CUX2: variants seen among roughly 807,000 people sequenced by gnomAD.
The protein encoded by CUX2 is homeobox protein cut-like 2.
A neutral mutation model predicts 144.8 loss-of-function variants in CUX2; 40 were observed. The ratio of observed to expected loss-of-function variants is 0.28; its 90% CI spans 0.21 to 0.36. CUX2 has a LOEUF of 0.36. Ranked by LOEUF, CUX2 falls within the 10% of genes least tolerant of loss-of-function variation. The pLI is 1.00. For missense variants in CUX2, 1,615 were observed against 1,994.0 expected (o/e 0.81, Z 3.62); for synonymous variants, 827 against 875.6 (o/e 0.94, Z 0.98).
chr12:111,220,743 C>CAAAAAAAAAAAAA (rs549438290), intron 3 of CUX2, among the ~76,000 whole-genome samples: 1 of 39,132 alleles, frequency 2.6e-5, no homozygotes. Flanking sequence ...CTCATCTCTG[C>CAAAAAAAAAAAAA]AAAAAAAAAA....
intron 1 of CUX2, among the ~76,000 whole-genome samples, chr12:111,121,988 A>G (rs1427198301): frequency 6.6e-6 from 1 of 151,854 alleles, no homozygotes; most frequent in Admixed American, 6.6e-5. Flanking sequence ...TCCACAGCTC[A>G]TATCAAAACA....
chr12:111,324,389 G>T (rs1379423986), intron 18 of CUX2, among the ~76,000 whole-genome samples: 3 of 151,564 alleles, frequency 2.0e-5, no homozygotes, highest in Non-Finnish European at 4.4e-5. Flanking sequence ...TGCATAAGGA[G>T]GCAGCCCCCC....
Position 111,306,999 on chromosome 12 carries a change from C to G in CUX2, c.937C>G (p.Leu313Val), listed in dbSNP as rs748882161. Reference protein sequence around the residue: ...LASKDREILRLLKDVQHLQSS... With the variant: ...LASKDREILRVLKDVQHLQSS... ...CTCCAAGGACAGGGAGATCCTGCGG[C>G]TGCTGAAGGACGTGCAGCACCTCCA... Residue 313 changes from leucine (L) to valine (V), a missense_variant, in exon 11 of 22, where the codon CTG becomes GTG. Leu to Val is a conservative substitution (Grantham distance 32). Coordinates refer to ENST00000261726, the MANE Select transcript of CUX2 (RefSeq NM_015267.4). The G allele has an allele frequency of 6.2e-7, 1 of 1,613,794 alleles. No homozygotes were observed. Among genetic ancestry groups the G allele is most frequent in the Non-Finnish European group, 8.5e-7 (1 of 1,179,956 alleles).
At chr12:111,321,250 TG>T (rs1887513377) in intron 17 of CUX2, among the ~76,000 whole-genome samples, 1 of 152,028 alleles carries the variant, frequency 6.6e-6, no homozygotes, top group South Asian at 2.1e-4. Context: ...GGGCAGATCA[TG>T]AGATCAAGAG....
At chr12:111,065,269 T>G (rs1046130821) in intron 1 of CUX2, among the ~76,000 whole-genome samples, 1 of 152,228 alleles carries the variant, frequency 6.6e-6, no homozygotes, top group African/African-American at 2.4e-5. Flanking sequence ...AACTAATGAG[T>G]GGGGCTGGAT....
chr12:111,099,029 C>T (rs1490534119), intron 1 of CUX2, among the ~76,000 whole-genome samples: 6 of 152,218 alleles, frequency 3.9e-5, no homozygotes, highest in Non-Finnish European at 8.8e-5. Context: ...AGGATAGGTG[C>T]TCAATATAGC....
intron 1 of CUX2, among the ~76,000 whole-genome samples, chr12:111,206,899 G>C (rs1220404707): frequency 6.6e-6 from 1 of 152,180 alleles, no homozygotes; most frequent in Admixed American, 6.5e-5. Flanking sequence ...ATGGGTAGAT[G>C]TATAACTGGA....
Position 111,307,395 on chromosome 12 carries a change from T to A in CUX2, c.1109+138T>A. 1.3e-6 allele frequency: 1 copy of A among 774,638 alleles called. No individual in the cohort carries two copies. Among genetic ancestry groups the A allele is most frequent in the Non-Finnish European group, 2.1e-6 (1 of 484,610 alleles). 48.0% of individuals were successfully genotyped at this position (774,638 alleles called of 1,614,324 possible). On this transcript the variant is annotated intron_variant, in intron 12 of 21. Coordinates refer to ENST00000261726, the MANE Select transcript of CUX2 (RefSeq NM_015267.4). This position sits in a 1 kb window ranked among gnomAD's most constrained non-coding sequence, Gnocchi z 4.1. ...CACTAACACTGTGGATATCAAACCT[T>A]AACCATCCTCAGGCCAGGTGCAGTG...
intron 3 of CUX2, among the ~76,000 whole-genome samples, chr12:111,251,965 A>C (rs1217205244): frequency 6.6e-6 from 1 of 152,098 alleles, no homozygotes; most frequent in Admixed American, 6.6e-5. Flanking sequence ...GGATCACTTG[A>C]GGCTAAGAGT....
chr12:111,115,880 C>T (rs555946100), intron 1 of CUX2, among the ~76,000 whole-genome samples: 18 of 152,302 alleles, frequency 1.2e-4, no homozygotes, highest in African/African-American at 3.9e-4. Context: ...CAGACTAGCA[C>T]ACAGTAAGTT....
chr12:111,134,073 C>T (rs565111905), intron 1 of CUX2, among the ~76,000 whole-genome samples: 7 of 152,276 alleles, frequency 4.6e-5, no homozygotes, highest in African/African-American at 1.7e-4. Context: ...CAATCTCAGC[C>T]CTGCAGCTAC....
intron 18 of CUX2, among the ~76,000 whole-genome samples, chr12:111,333,664 A>T (rs1190963802): frequency 6.6e-6 from 1 of 152,150 alleles, no homozygotes; most frequent in Non-Finnish European, 1.5e-5. Context: ...CAGGAGGCCC[A>T]TGTTGCTGAC....
rs373087724 is a variant in CUX2 at position 111,334,166 on chromosome 12, A to G, written c.2927-275A>G. Among the ~76,000 whole-genome samples the G allele has an allele frequency of 5.3e-5, 8 of 151,000 alleles. No homozygotes were observed. In the South Asian group the frequency reaches 6.4e-4, roughly 12 times the overall value. ...CACACCACTGCACTCCAGCCTAGGC[A>G]ACAGAGCGAGACTCCGTCTTAAAAA... On this transcript the variant is annotated intron_variant, in intron 18 of 21. Transcript: ENST00000261726.
At position 111,350,110 on chromosome 12, in the gene CUX2, G is replaced by C. The variant is rs985926714; in HGVS notation, c.*1785G>C. On this transcript the variant is annotated 3_prime_UTR_variant, in exon 22 of 22. Coordinates refer to ENST00000261726, the MANE Select transcript of CUX2 (RefSeq NM_015267.4). ...CTGTATACATTTTTATCCAGATGAAGGTATTTTTATATTTTGACAATAGGA... is the reference window on the plus strand; with the variant it reads ...CTGTATACATTTTTATCCAGATGAACGTATTTTTATATTTTGACAATAGGA... 8.5e-5 allele frequency: 13 copies of C among 152,480 alleles called. No homozygotes were observed. The highest frequency in any genetic ancestry group is 1.5e-5 in the Non-Finnish European group (1 of 68,030). The allele number at this position is 152,480 out of a possible 1,614,324, so 9.4% of individuals were successfully genotyped here.
chr12:111,336,219 G>A (rs538455042), intron 19 of CUX2, among the ~76,000 whole-genome samples: 3 of 152,064 alleles, frequency 2.0e-5, no homozygotes, highest in Non-Finnish European at 4.4e-5. Context: ...TTCCCTTTTT[G>A]GGACACAAAT....
At chr12:111,331,321 T>C (rs1888112510) in intron 18 of CUX2, among the ~76,000 whole-genome samples, 1 of 152,172 alleles carries the variant, frequency 6.6e-6, no homozygotes, top group Admixed American at 6.5e-5. Context: ...TTCTTCCAGC[T>C]GTCATACATT....
intron 1 of CUX2, among the ~76,000 whole-genome samples, chr12:111,200,634 C>T (rs951560043): frequency 3.9e-5 from 6 of 152,044 alleles, no homozygotes; most frequent in Non-Finnish European, 7.4e-5. Context: ...GCCTCCCTCC[C>T]GGAGGTGTCG....
At chr12:111,108,306 C>T (rs1873732677) in intron 1 of CUX2, among the ~76,000 whole-genome samples, 1 of 152,158 alleles carries the variant, frequency 6.6e-6, no homozygotes, top group African/African-American at 2.4e-5. Context: ...GGATCCTCTG[C>T]TGTAAAATTA....
intron 21 of CUX2, among the ~76,000 whole-genome samples, chr12:111,343,607 A>G (rs780663672): frequency 6.6e-6 from 1 of 152,164 alleles, no homozygotes; most frequent in Non-Finnish European, 1.5e-5. Flanking sequence ...CCAGGGTCCT[A>G]TAGACCTGAG....
Sources: gnomAD v4.1 joint callset for allele counts (sites outside exome capture counted in the v4.1 genomes callset) on GRCh38, gnomAD v4.1.1 for gene constraint, Gnocchi (gnomAD v3.1) non-coding constraint, MANE v1.5 for transcripts, NCBI Gene and HGNC (gene_info 2026-07-23, HGNC 2026-07-21) for gene names.